The following PACRG variants were observed in gnomAD, a reference collection of about 807,000 sequenced individuals.
PACRG encodes the protein parkin coregulated gene protein.
In PACRG, 29 loss-of-function variants were observed where a neutral mutation model predicts 29.7. The observed-to-expected ratio is 0.98, with a 90% CI of 0.73 to 1.33. PACRG has a LOEUF of 1.33. PACRG is among the 40% of genes most tolerant of loss of function. The pLI is 0.00. For synonymous variants in PACRG, 116 were observed against 118.7 expected, an observed-to-expected ratio of 0.98 and a Z score of 0.15; for missense variants, 279 against 316.2, an observed-to-expected ratio of 0.88 and a Z score of 0.89.
At chr6:163,019,225 CTT>C (rs756319026) in intron 2 of PACRG, among the ~76,000 whole-genome samples, 7 of 152,148 alleles carry the variant, frequency 4.6e-5, no homozygotes, top group Non-Finnish European at 7.3e-5. Flanking sequence ...TGACAACACT[CTT>C]TTTCTATCTG....
intron 1 of PACRG, among the ~76,000 whole-genome samples, chr6:162,752,153 A>G (rs971282237): frequency 5.9e-5 from 9 of 152,214 alleles, no homozygotes; most frequent in Admixed American, 3.3e-4. Context: ...TTAACATCTG[A>G]TGCTAAAGAC....
intron 4 of PACRG, among the ~76,000 whole-genome samples, chr6:163,298,660 G>A (rs1440430199): frequency 6.6e-6 from 1 of 152,186 alleles, no homozygotes; most frequent in Non-Finnish European, 1.5e-5. Context: ...AGCCAAAGAA[G>A]AACAGCTGAG....
chr6:163,107,412 A>G (rs1815442892), intron 4 of PACRG, among the ~76,000 whole-genome samples: 1 of 152,200 alleles, frequency 6.6e-6, no homozygotes, highest in Non-Finnish European at 1.5e-5. Flanking sequence ...TCAGACTGAG[A>G]TGGCCTTATT....
intron 3 of PACRG, among the ~76,000 whole-genome samples, chr6:163,065,297 G>A (rs1811437118): frequency 1.3e-5 from 2 of 152,254 alleles, no homozygotes; most frequent in Middle Eastern, 3.4e-3. Flanking sequence ...CCTCATAGGG[G>A]AGGCTGAGAA....
At chr6:162,855,059 C>T (rs933873968) in intron 2 of PACRG, among the ~76,000 whole-genome samples, 1 of 152,254 alleles carries the variant, frequency 6.6e-6, no homozygotes, top group Non-Finnish European at 1.5e-5. Context: ...GAGGACTCCC[C>T]ACGCAGTCTC....
chr6:163,178,361 G>A (rs929715961), intron 4 of PACRG, among the ~76,000 whole-genome samples: 31 of 152,198 alleles, frequency 2.0e-4, no homozygotes, highest in Admixed American at 6.5e-4. Flanking sequence ...GAAGTGCTGC[G>A]TAGACTCCAA....
In PACRG at chr6:162,856,866, T is replaced by C. The variant is rs550983798; in HGVS notation, c.291+42585T>C. 3.3e-5 allele frequency among the ~76,000 whole-genome samples: 5 copies of C among 152,292 alleles called. No individual in the cohort carries two copies. The East Asian group carries it at 9.6e-4, about 29-fold the overall frequency. On this transcript the variant is annotated intron_variant, in intron 2 of 4. Transcript: ENST00000366888. ...TCCCCCTGAATTTTGTTTTTCCCATTTTTGGCTGAGAAGGCATCTGGAGTG... is the reference window on the plus strand; with the variant it reads ...TCCCCCTGAATTTTGTTTTTCCCATCTTTGGCTGAGAAGGCATCTGGAGTG...
At chr6:163,234,601 C>T (rs1000098390) in intron 4 of PACRG, among the ~76,000 whole-genome samples, 3 of 152,110 alleles carry the variant, frequency 2.0e-5, no homozygotes, top group African/African-American at 7.2e-5. Context: ...GACTAAAACA[C>T]CTACATTTAA....
intron 4 of PACRG, among the ~76,000 whole-genome samples, chr6:163,255,331 G>A (rs1385682242): frequency 2.0e-5 from 3 of 152,286 alleles, no homozygotes; most frequent in East Asian, 1.9e-4. Flanking sequence ...GTACTGCAAG[G>A]ATTTCCAGGC....
intron 2 of PACRG, among the ~76,000 whole-genome samples, chr6:162,822,934 A>G (rs548658731): frequency 1.3e-5 from 2 of 152,070 alleles, no homozygotes; most frequent in Non-Finnish European, 2.9e-5. Context: ...AACATATGTT[A>G]TTATGTTATG....
chr6:162,908,726 T>C (rs1046146244), intron 2 of PACRG, among the ~76,000 whole-genome samples: 11 of 152,224 alleles, frequency 7.2e-5, no homozygotes, highest in African/African-American at 2.7e-4. Context: ...CCAGTCATTA[T>C]GGACAGGGGC....
At chr6:163,300,994 C>T (rs558267523) in intron 4 of PACRG, among the ~76,000 whole-genome samples, 3 of 132,200 alleles carry the variant, frequency 2.3e-5, no homozygotes, top group African/African-American at 7.6e-5. Context: ...AGTAGGGCCA[C>T]GTCCGCTGCT....
chr6:162,735,237 C>T (rs1211157564), intron 1 of PACRG, among the ~76,000 whole-genome samples: 1 of 152,160 alleles, frequency 6.6e-6, no homozygotes, highest in Non-Finnish European at 1.5e-5. Context: ...AGTATCTACG[C>T]ATGACCAAGG....
At chr6:163,289,885 T>C (rs919909201) in intron 4 of PACRG, among the ~76,000 whole-genome samples, 20 of 152,102 alleles carry the variant, frequency 1.3e-4, no homozygotes, top group Non-Finnish European at 2.4e-4. Context: ...TTCACTCTTG[T>C]TGCCCAGGCT....
chr6:163,287,328 T>C (rs754319472), intron 4 of PACRG, among the ~76,000 whole-genome samples: 52 of 152,182 alleles, frequency 3.4e-4, no homozygotes, highest in Non-Finnish European at 5.7e-4. Flanking sequence ...TGGTCCCCAC[T>C]GCTCTTACAG....
At chr6:163,050,718 T>G (rs988939033) in intron 2 of PACRG, among the ~76,000 whole-genome samples, 11 of 152,216 alleles carry the variant, frequency 7.2e-5, no homozygotes, top group Admixed American at 2.6e-4. Flanking sequence ...TTTTTTACCC[T>G]TTTCTCTGAC....
chr6:162,760,125 A>G (rs1782230192), intron 1 of PACRG, among the ~76,000 whole-genome samples: 1 of 152,170 alleles, frequency 6.6e-6, no homozygotes, highest in Non-Finnish European at 1.5e-5. Context: ...GTCGTCGGCT[A>G]CTGATCTGAC....
At chr6:163,277,427 C>A (rs755136971) in intron 4 of PACRG, among the ~76,000 whole-genome samples, 7 of 150,236 alleles carry the variant, frequency 4.7e-5, no homozygotes, top group Non-Finnish European at 8.9e-5. Flanking sequence ...CTGTGAATGT[C>A]GTTATTTCGT....
chr6:162,827,536 T>C (rs1361364719), intron 2 of PACRG, among the ~76,000 whole-genome samples: 1 of 152,214 alleles, frequency 6.6e-6, no homozygotes, highest in Non-Finnish European at 1.5e-5. Flanking sequence ...CACGACCAAA[T>C]GAATAATCCT....
Sources: allele counts gnomAD v4.1 joint callset (sites outside exome capture counted in the v4.1 genomes callset), GRCh38; gene constraint gnomAD v4.1.1; transcripts MANE v1.5; gene names NCBI Gene and HGNC (gene_info 2026-07-23, HGNC 2026-07-21).